The following C5orf63 variants were observed in gnomAD, a reference collection of about 807,000 sequenced individuals.
C5orf63 encodes chromosome 5 open reading frame 63, also known as glutaredoxin-like protein C5orf63.
In C5orf63, 18 loss-of-function variants were observed where a neutral mutation model predicts 13.3. That is an observed-to-expected ratio of 1.36 (90% CI 0.94 to 2.01). The LOEUF is 2.01. C5orf63 is among the 30% of genes most tolerant of loss of function. The probability of loss-of-function intolerance (pLI) is 0.00; values close to 1 mark genes in which losing one functional copy is unlikely to be tolerated. For missense variants in C5orf63, 118 were observed against 127.7 expected, an observed-to-expected ratio of 0.92 and a Z score of 0.36; for synonymous variants, 38 against 44.7, an observed-to-expected ratio of 0.85 and a Z score of 0.60.
intron 2 of C5orf63, among the ~76,000 whole-genome samples, chr5:127,059,746 AAAAG>A (rs1754028644): frequency 6.6e-6 from 1 of 150,872 alleles, no homozygotes; most frequent in Admixed American, 6.6e-5. Context: ...AAAAAAAAGA[AAAAG>A]AAAAAGAAAC....
intron 2 of C5orf63, among the ~76,000 whole-genome samples, 172 bp from the exon 3 acceptor site, chr5:127,059,174 C>A (rs1210348255): frequency 6.6e-6 from 1 of 152,168 alleles, no homozygotes; most frequent in East Asian, 1.9e-4. Context: ...GATGCCTCAA[C>A]ATTCATTGTA....
intron 3 of C5orf63, among the ~76,000 whole-genome samples, chr5:127,054,914 T>C (rs1753820286): frequency 6.6e-6 from 1 of 152,208 alleles, no homozygotes; most frequent in African/African-American, 2.4e-5. Context: ...AATTTTTGTA[T>C]AAGGTGTAAG....
chr5:127,060,818 T>C (rs930526170), intron 2 of C5orf63, among the ~76,000 whole-genome samples: 1 of 152,228 alleles, frequency 6.6e-6, no homozygotes, highest in African/African-American at 2.4e-5. Context: ...TTACCAATGT[T>C]AGTCAGCCCA....
chr5:127,054,647 G>A (rs1753807217), intron 3 of C5orf63, among the ~76,000 whole-genome samples: 2 of 152,182 alleles, frequency 1.3e-5, no homozygotes, highest in Admixed American at 1.3e-4. Flanking sequence ...CCCTTTGTCA[G>A]CTGGGTAGAT....
intron 2 of C5orf63, among the ~76,000 whole-genome samples, chr5:127,059,872 G>C (rs762972389): frequency 1.1e-4 from 16 of 152,166 alleles, no homozygotes; most frequent in East Asian, 3.9e-4. Context: ...CTGGCCAGGC[G>C]TGGTGGCTCA....
chr5:127,071,422 G>A (rs1478225743), intron 2 of C5orf63, among the ~76,000 whole-genome samples, 162 bp downstream of exon 2: 1 of 152,220 alleles, frequency 6.6e-6, no homozygotes, highest in Admixed American at 6.5e-5. Context: ...GCTGTACTGG[G>A]ATGGGAAGTT....
intron 3 of C5orf63, among the ~76,000 whole-genome samples, chr5:127,058,054 T>C (rs1753955475): frequency 6.6e-6 from 1 of 152,208 alleles, no homozygotes; most frequent in Non-Finnish European, 1.5e-5. Flanking sequence ...AATTTTTTTT[T>C]CAACTTTTAT....
chr5:127,057,702 C>A (rs1308006188), intron 3 of C5orf63, among the ~76,000 whole-genome samples: 1 of 152,226 alleles, frequency 6.6e-6, no homozygotes, highest in Admixed American at 6.5e-5. Flanking sequence ...CCAAAGCATT[C>A]ATTCTAAGCT....
downstream of C5orf63, chr5:127,046,332 C>T (rs1753520746): frequency 6.6e-6 from 1 of 152,248 alleles, no homozygotes; most frequent in Non-Finnish European, 1.5e-5. Context: ...TCTCTCTACT[C>T]CCCTCTCCAC....
chr5:127,066,040 A>T (rs981577501), intron 2 of C5orf63, among the ~76,000 whole-genome samples: 8 of 152,152 alleles, frequency 5.3e-5, no homozygotes, highest in African/African-American at 1.9e-4. Context: ...TTCTTTAATT[A>T]AGGTATTCTC....
chr5:127,072,850 T>C (rs1289001510), intron 1 of C5orf63, among the ~76,000 whole-genome samples: 1 of 152,192 alleles, frequency 6.6e-6, no homozygotes, highest in Non-Finnish European at 1.5e-5. Flanking sequence ...GAAGTGAATA[T>C]CTGTTGAGAA....
At chr5:127,068,911 G>A (rs543485614) in intron 2 of C5orf63, among the ~76,000 whole-genome samples, 1 of 152,216 alleles carries the variant, frequency 6.6e-6, no homozygotes, top group Admixed American at 6.5e-5. Flanking sequence ...GGGAATTCTG[G>A]ACTAATTCCT....
At chr5:127,063,218 G>A (rs1174269573) in intron 2 of C5orf63, among the ~76,000 whole-genome samples, 1 of 152,152 alleles carries the variant, frequency 6.6e-6, no homozygotes, top group Non-Finnish European at 1.5e-5. Context: ...ATACAACATG[G>A]GAGCAGGACT....
chr5:127,071,411 G>A lies in C5orf63; in HGVS notation c.-8+173C>T, dbSNP rs148788833. On this transcript the variant is annotated intron_variant, in intron 2 of 4. Coordinates refer to ENST00000296662, the MANE Select transcript of C5orf63 (RefSeq NM_001164478.2). Reference sequence around the variant, plus strand: ...CATTTTCATGTTTCCTGTTCTCCGTGGCTGTACTGGGATGGGAAGTTAGGG... The same window carrying A: ...CATTTTCATGTTTCCTGTTCTCCGTAGCTGTACTGGGATGGGAAGTTAGGG... Among the ~76,000 whole-genome samples the A allele has an allele frequency of 3.1e-3, 470 of 152,296 alleles. 7 individuals carry two copies. The highest frequency in any genetic ancestry group is 0.011 in the African/African-American group (450 of 41,556).
chr5:127,058,988 C>A lies in C5orf63; in HGVS notation c.8G>T (p.Trp3Leu). The A allele has an allele frequency of 1.3e-6, 2 of 1,534,052 alleles. No homozygotes were observed. The highest frequency in any genetic ancestry group is 2.4e-5 in the South Asian group (2 of 83,976). Residue 3 changes from tryptophan to leucine, a missense_variant, in exon 3 of 5, where the codon TGG (tryptophan) becomes TTG (leucine). Coordinates refer to ENST00000296662, the MANE Select transcript of C5orf63 (RefSeq NM_001164478.2). MLWFQGNSMQLAR... is the reference protein window; with the variant it reads MLLFQGNSMQLAR... ...AAGTTGCATGCTATTTCCTTGAAAC[C>A]AGAGCATCTTAATTCTGCCAAAAGA... is the stretch of plus-strand genomic sequence containing the variant.
intron 2 of C5orf63, 60 bp from the exon 3 acceptor site, chr5:127,059,062 T>G (rs1162864128): frequency 3.1e-6 from 3 of 965,350 alleles, no homozygotes; most frequent in African/African-American, 3.3e-5. Context: ...CCTTACAATA[T>G]GGACAGTAAT....
exon 5 of C5orf63, chr5:127,046,150 A>T (rs2126876823): frequency 6.6e-6 from 1 of 152,202 alleles, no homozygotes; most frequent in East Asian, 1.9e-4. Context: ...CTTTACCTTG[A>T]TATCCCACAA....
At chr5:127,045,793 T>C (rs1275335759) in exon 5 of C5orf63, 1 of 152,264 alleles carries the variant, frequency 6.6e-6, no homozygotes, top group Non-Finnish European at 1.5e-5. Context: ...CTTTATTGTC[T>C]GTCTCTCCCT....
downstream of C5orf63, chr5:127,047,125 T>C (rs1360411497): frequency 6.6e-6 from 1 of 152,642 alleles, no homozygotes; most frequent in Non-Finnish European, 1.5e-5. Context: ...AAGAGACATG[T>C]GGAAGAAAGA....
Sources: allele counts gnomAD v4.1 joint callset (sites outside exome capture counted in the v4.1 genomes callset), GRCh38; gene constraint gnomAD v4.1.1; transcripts MANE v1.5; gene names NCBI Gene and HGNC (gene_info 2026-07-23, HGNC 2026-07-21).